Variants in NXPH1 observed in about 807,000 individuals in gnomAD.
NXPH1 encodes neurexophilin 1, also known as neurexophilin-1.
NXPH1 carries 5 observed loss-of-function variants against 23.7 expected under a neutral mutation model. The ratio of observed to expected loss-of-function variants is 0.21; its 90% CI spans 0.11 to 0.44. The LOEUF (loss-of-function observed/expected upper bound fraction) is 0.44. Among genes scored for constraint, NXPH1 ranks in the 20% least tolerant of loss-of-function variants. The pLI, the probability that NXPH1 is intolerant of heterozygous loss-of-function variation, is 0.99. For missense variants in NXPH1, 324 were observed against 321.6 expected, an observed-to-expected ratio of 1.01 and a Z score of -0.06; for synonymous variants, 144 against 122.2, an observed-to-expected ratio of 1.18 and a Z score of -1.18.
chr7:8,533,126 G>A (rs562440451), intron 2 of NXPH1, among the ~76,000 whole-genome samples: 41 of 152,254 alleles, frequency 2.7e-4, no homozygotes, highest in Admixed American at 4.6e-4. Flanking sequence ...AGGTCACACA[G>A]CATTGAGGTG....
In NXPH1 at chr7:8,703,800, C is replaced by T. The variant is rs116104249; in HGVS notation, c.55-47208C>T. ...TGAAAGATTTTATTCCTTATTATTG[C>T]GGGCCAACCCACTAGAAAGAGACAT... On this transcript the variant is annotated intron_variant, in intron 2 of 2. Transcript: ENST00000405863. Among the ~76,000 whole-genome samples, 1,494 of 152,126 alleles carry T rather than the reference C, an allele frequency of 9.8e-3. 14 individuals are homozygous for T. Among genetic ancestry groups the T allele is most frequent in the African/African-American group, 0.033 (1,375 of 41,522 alleles).
At position 8,654,630 on chromosome 7, in the gene NXPH1, C is replaced by T. The variant is rs149127808; in HGVS notation, c.55-96378C>T. ...ATAAAACATTCCATGAGGCATGTGG[C>T]AATAGTCACAATGATAGTGGCCTTA... On this transcript the variant is annotated intron_variant, in intron 2 of 2. Transcript: ENST00000405863. Among the ~76,000 whole-genome samples, 437 of 152,274 alleles carry T rather than the reference C, an allele frequency of 2.9e-3. 7 individuals carry two copies. Among genetic ancestry groups the T allele is most frequent in the African/African-American group, 9.8e-3 (407 of 41,558 alleles).
intron 2 of NXPH1, among the ~76,000 whole-genome samples, chr7:8,454,272 A>G (rs1816554015): frequency 6.6e-6 from 1 of 152,144 alleles, no homozygotes; most frequent in Non-Finnish European, 1.5e-5. Flanking sequence ...GGAATTTTGT[A>G]AGAGAAAGTT....
chr7:8,698,738 T>G (rs1779575507), intron 2 of NXPH1, among the ~76,000 whole-genome samples: 1 of 152,140 alleles, frequency 6.6e-6, no homozygotes, highest in Non-Finnish European at 1.5e-5. Flanking sequence ...ATGGATAATC[T>G]GGAATCTTAA....
At chr7:8,483,847 A>G (rs947383126) in intron 2 of NXPH1, among the ~76,000 whole-genome samples, 1 of 152,142 alleles carries the variant, frequency 6.6e-6, no homozygotes, top group Non-Finnish European at 1.5e-5. Context: ...TGTTTAAGGA[A>G]GATTATTTTC....
At position 8,751,938 on chromosome 7, in the gene NXPH1, C is replaced by T; in HGVS notation, c.*169C>T. 1 of 625,538 alleles carries T rather than the reference C, an allele frequency of 1.6e-6. No individual in the cohort carries two copies. The allele number at this position is 625,538 out of a possible 1,614,324, so 38.7% of individuals were successfully genotyped here. A position where few individuals can be genotyped will look rare whatever the true frequency, so the allele number is the denominator to read the frequency against. ...GAAAACACTCTGATGTAATTTCTGC[C>T]CAGTCAGCTTCATCCCTCAGTATAA... is the stretch of plus-strand genomic sequence containing the variant. On this transcript the variant is annotated 3_prime_UTR_variant, in exon 3 of 3. Coordinates refer to ENST00000405863, the MANE Select transcript of NXPH1 (RefSeq NM_152745.3). The surrounding 1 kb of genome is among the most constrained non-coding windows in gnomAD (Gnocchi z 4.5).
At chr7:8,472,894 A>G (rs1302805838) in intron 2 of NXPH1, among the ~76,000 whole-genome samples, 2 of 152,176 alleles carry the variant, frequency 1.3e-5, no homozygotes, top group Non-Finnish European at 2.9e-5. Flanking sequence ...GGCTTCTAGA[A>G]GTTTGGAAAA....
At position 8,435,532 on chromosome 7, in the gene NXPH1, C is replaced by T; in HGVS notation, c.-110-72C>T. On this transcript the variant is annotated intron_variant, in intron 1 of 2. Coordinates refer to ENST00000405863, the MANE Select transcript of NXPH1 (RefSeq NM_152745.3). The surrounding 1 kb of genome is among the most constrained non-coding windows in gnomAD (Gnocchi z 5.9). Reference sequence around the variant, plus strand: ...GTCCCCCACTCCCCGCTACGACCCCCTTTCCCCGCTTGATTGTCAAGCCTA... The same window carrying T: ...GTCCCCCACTCCCCGCTACGACCCCTTTTCCCCGCTTGATTGTCAAGCCTA... 1 of 597,600 alleles carries T rather than the reference C, an allele frequency of 1.7e-6. No individual in the cohort carries two copies. The highest frequency in any genetic ancestry group is 2.9e-5 in the East Asian group (1 of 34,552). 37.0% of individuals were successfully genotyped at this position (597,600 alleles called of 1,614,324 possible). A position where few individuals can be genotyped will look rare whatever the true frequency, so the allele number is the denominator to read the frequency against.
intron 2 of NXPH1, among the ~76,000 whole-genome samples, chr7:8,674,444 A>G (rs889032602): frequency 6.6e-6 from 1 of 152,176 alleles, no homozygotes; most frequent in African/African-American, 2.4e-5. Context: ...TTATGTTCAG[A>G]AAACGTACCG....
chr7:8,620,099 G>C (rs1369305170), intron 2 of NXPH1, among the ~76,000 whole-genome samples: 3 of 152,098 alleles, frequency 2.0e-5, no homozygotes, highest in Non-Finnish European at 2.9e-5. Flanking sequence ...TAGTCACAAG[G>C]ATCCTTCTCA....
At chr7:8,467,127 T>A (rs1218408482) in intron 2 of NXPH1, among the ~76,000 whole-genome samples, 1 of 152,214 alleles carries the variant, frequency 6.6e-6, no homozygotes, top group Non-Finnish European at 1.5e-5. Context: ...TCTTGGAAAG[T>A]CTTCCTATTA....
intron 2 of NXPH1, among the ~76,000 whole-genome samples, chr7:8,605,388 A>G (rs1459436046): frequency 1.3e-5 from 2 of 152,138 alleles, no homozygotes; most frequent in African/African-American, 4.8e-5. Flanking sequence ...CAGTAAATAT[A>G]CTCAAAGGGA....
intron 2 of NXPH1, among the ~76,000 whole-genome samples, chr7:8,658,491 C>T (rs1470084115): frequency 3.3e-5 from 5 of 152,184 alleles, no homozygotes; most frequent in African/African-American, 4.8e-5. Flanking sequence ...AGGAAACTTG[C>T]TTCATGTTGA....
At position 8,460,769 on chromosome 7, in the gene NXPH1, C is replaced by G. The variant is rs145303800; in HGVS notation, c.54+25002C>G. The stretch of plus-strand genomic sequence containing the variant: ...AACGGACATGCTTGAGTGTGAATCT[C>G]AGCACTCCCAATTATTGACCACCTA... On this transcript the variant is annotated intron_variant, in intron 2 of 2. Transcript: ENST00000405863. Among the ~76,000 whole-genome samples, 3 of 152,320 alleles carry G rather than the reference C, an allele frequency of 2.0e-5. No homozygotes were observed. The East Asian group carries it at 5.8e-4, about 29-fold the overall frequency.
intron 2 of NXPH1, among the ~76,000 whole-genome samples, chr7:8,598,418 G>A (rs1819277335): frequency 6.6e-6 from 1 of 152,098 alleles, no homozygotes; most frequent in African/African-American, 2.4e-5. Context: ...CATAGACCTG[G>A]TTCCCTTCCT....
intron 2 of NXPH1, among the ~76,000 whole-genome samples, chr7:8,577,398 T>C (rs1393991817): frequency 6.6e-6 from 1 of 152,164 alleles, no homozygotes. Flanking sequence ...AGAGTAACAA[T>C]CTTCTTTGCT....
chr7:8,738,791 G>T (rs2079238), intron 2 of NXPH1, among the ~76,000 whole-genome samples: 76,678 of 151,926 alleles, frequency 0.5, 21,650 homozygotes, highest in African/African-American at 0.77. Flanking sequence ...CCTGACTGGG[G>T]CTGCTGCCTT....
chr7:8,571,295 T>G (rs1230460284), intron 2 of NXPH1, among the ~76,000 whole-genome samples: 1 of 151,758 alleles, frequency 6.6e-6, no homozygotes, highest in Non-Finnish European at 1.5e-5. Flanking sequence ...GAAGTGGAAC[T>G]GAAAAGATTT....
At chr7:8,624,676 TTAAAG>T (rs930356704) in intron 2 of NXPH1, among the ~76,000 whole-genome samples, 14 of 152,166 alleles carry the variant, frequency 9.2e-5, no homozygotes, top group African/African-American at 3.1e-4. Context: ...GTGAGGGTCA[TTAAAG>T]TAAAGATAAA....
Sources: allele counts gnomAD v4.1 joint callset (sites outside exome capture counted in the v4.1 genomes callset), GRCh38; gene constraint gnomAD v4.1.1; non-coding constraint Gnocchi (gnomAD v3.1); transcripts MANE v1.5; gene names NCBI Gene and HGNC (gene_info 2026-07-23, HGNC 2026-07-21).